The following TXNRD3 variants were observed in gnomAD, a reference collection of about 807,000 sequenced individuals.
The protein encoded by TXNRD3 is thioredoxin reductase 3, also known as TXNRD3 neighbor gene protein.
In TXNRD3, 68 loss-of-function variants were observed where a neutral mutation model predicts 78.2. The ratio of observed to expected loss-of-function variants is 0.87; its 90% CI spans 0.72 to 1.06. The LOEUF (loss-of-function observed/expected upper bound fraction) is 1.06, where lower values mean the gene tolerates loss of function less well. Ranked by LOEUF, TXNRD3 falls within the 50% of genes least tolerant of loss-of-function variation. The pLI is 0.00. For missense variants in TXNRD3, 751 were observed against 809.5 expected (o/e 0.93, Z 0.88); for synonymous variants, 296 against 300.1 (o/e 0.99, Z 0.14).
At chr3:126,608,395 T>C (rs1938109650) in intron 15 of TXNRD3, 104 bp downstream of exon 15, 28 of 1,193,972 alleles carry the variant, frequency 2.3e-5, no homozygotes, top group Non-Finnish European at 3.0e-5. Flanking sequence ...AATTTAAAAA[T>C]ATACAAATCA....
At chr3:126,649,717 TTACTC>T (rs1262908319) in intron 1 of TXNRD3, among the ~76,000 whole-genome samples, 1 of 152,212 alleles carries the variant, frequency 6.6e-6, no homozygotes, top group East Asian at 1.9e-4. Context: ...GTTTAGGACA[TTACTC>T]TAAGTGAAAT....
At chr3:126,649,421 GA>G (rs879357179) in intron 1 of TXNRD3, among the ~76,000 whole-genome samples, 13 of 152,224 alleles carry the variant, frequency 8.5e-5, no homozygotes, top group Admixed American at 2.0e-4. Flanking sequence ...TGCCACTATG[GA>G]AAACAGAATG....
intron 12 of TXNRD3, among the ~76,000 whole-genome samples, chr3:126,618,240 C>T (rs1938360201): frequency 6.6e-6 from 1 of 152,118 alleles, no homozygotes; most frequent in Non-Finnish European, 1.5e-5. Context: ...TTTTATGAAA[C>T]CACAAAAGAA....
At chr3:126,630,961 G>A (rs1022361767) in intron 8 of TXNRD3, 24 bp from the exon 9 acceptor site, 10 of 1,524,742 alleles carry the variant, frequency 6.6e-6, no homozygotes, top group Non-Finnish European at 8.8e-6. Flanking sequence ...ATTAAAAAAA[G>A]AATACCTAGG....
intron 13 of TXNRD3, among the ~76,000 whole-genome samples, chr3:126,614,400 T>C (rs1449833827): frequency 6.6e-6 from 1 of 152,174 alleles, no homozygotes. Flanking sequence ...GTGCCTGACA[T>C]CTTCCTACCT....
At chr3:126,609,840 C>T (rs1379639492) in intron 14 of TXNRD3, among the ~76,000 whole-genome samples, 1 of 152,196 alleles carries the variant, frequency 6.6e-6, no homozygotes, top group Non-Finnish European at 1.5e-5. Context: ...TCAGCAGCGG[C>T]TCTCCCATCA....
chr3:126,636,588 G>A (rs1030580795), intron 6 of TXNRD3, among the ~76,000 whole-genome samples: 10 of 152,156 alleles, frequency 6.6e-5, no homozygotes, highest in Non-Finnish European at 1.3e-4. Flanking sequence ...CACTCCTGCT[G>A]TGCTATCCTG....
intron 12 of TXNRD3, among the ~76,000 whole-genome samples, chr3:126,619,801 G>A (rs529823891): frequency 9.9e-5 from 15 of 152,266 alleles, no homozygotes; most frequent in African/African-American, 2.4e-4. Context: ...CATTGTATAC[G>A]TGTATCAAAA....
intron 13 of TXNRD3, among the ~76,000 whole-genome samples, chr3:126,611,499 C>T (rs1426312772): frequency 6.6e-6 from 1 of 152,176 alleles, no homozygotes; most frequent in Non-Finnish European, 1.5e-5. Context: ...ACCCTGATAA[C>T]AAGGCTCACA....
At chr3:126,609,034 A>T (rs1407363837) in intron 14 of TXNRD3, 1 of 248,310 alleles carries the variant, frequency 4.0e-6, no homozygotes, top group Non-Finnish European at 8.3e-6. Context: ...AGGAAGCAAG[A>T]TGCCCTGCTC....
At position 126,655,067 on chromosome 3, in the gene TXNRD3, C is replaced by T; in HGVS notation, c.-77G>A. On this transcript the variant is annotated 5_prime_UTR_variant, in exon 1 of 16. Transcript: ENST00000524230. ...AGGCGGCTGCGGCGCCGGGACGGGG[C>T]CTGAGGGGCGGCGAACGCTGCCCTC... 2 of 1,299,616 alleles carry T rather than the reference C, an allele frequency of 1.5e-6. No individual in the cohort carries two copies. The highest frequency in any genetic ancestry group is 2.0e-6 in the Non-Finnish European group (2 of 1,025,182). The allele number at this position is 1,299,616 out of a possible 1,614,324, so 80.5% of individuals were successfully genotyped here.
intron 3 of TXNRD3, 76 bp downstream of exon 3, chr3:126,646,035 A>T (rs892504612): frequency 1.7e-6 from 2 of 1,192,216 alleles, no homozygotes; most frequent in Non-Finnish European, 2.3e-6. Flanking sequence ...ACTCCTAAAA[A>T]CCATTTTCTC....
chr3:126,627,464 G>A (rs1481047129), intron 10 of TXNRD3, among the ~76,000 whole-genome samples: 1 of 152,204 alleles, frequency 6.6e-6, no homozygotes, highest in African/African-American at 2.4e-5. Context: ...ACCTAAAGGA[G>A]TGTGGATTAC....
At chr3:126,638,155 G>T (rs570803368) in intron 6 of TXNRD3, among the ~76,000 whole-genome samples, 4 of 151,994 alleles carry the variant, frequency 2.6e-5, no homozygotes, top group Admixed American at 2.6e-4. Flanking sequence ...GTGTTAGCCA[G>T]AATGGTCTTG....
intron 6 of TXNRD3, among the ~76,000 whole-genome samples, chr3:126,640,841 C>T (rs1933059460): frequency 6.7e-6 from 1 of 149,578 alleles, no homozygotes. Flanking sequence ...TGAAAGTTGT[C>T]AGAATCAAAA....
chr3:126,615,030 G>C (rs560505001), intron 13 of TXNRD3, among the ~76,000 whole-genome samples: 1 of 152,116 alleles, frequency 6.6e-6, no homozygotes, highest in Non-Finnish European at 1.5e-5. Flanking sequence ...CTTACCACCC[G>C]TAGCCATTCC....
chr3:126,620,016 C>T (rs1938412096), intron 12 of TXNRD3, among the ~76,000 whole-genome samples: 1 of 152,184 alleles, frequency 6.6e-6, no homozygotes, highest in African/African-American at 2.4e-5. Context: ...ACACTCTTGG[C>T]CGGGCACGGT....
intron 5 of TXNRD3, among the ~76,000 whole-genome samples, 188 bp from the exon 6 acceptor site, chr3:126,642,339 G>A (rs1260185327): frequency 6.6e-6 from 1 of 152,172 alleles, no homozygotes; most frequent in Non-Finnish European, 1.5e-5. Flanking sequence ...ACCCAAAGAT[G>A]AGTAAAAATA....
chr3:126,621,385 G>C (rs1938452538), intron 12 of TXNRD3, among the ~76,000 whole-genome samples: 2 of 152,168 alleles, frequency 1.3e-5, no homozygotes. Context: ...CCTCCCTGCA[G>C]CTAGAATTAA....
Sources: gnomAD v4.1 joint callset for allele counts (sites outside exome capture counted in the v4.1 genomes callset) on GRCh38, gnomAD v4.1.1 for gene constraint, MANE v1.5 for transcripts, NCBI Gene and HGNC (gene_info 2026-07-23, HGNC 2026-07-21) for gene names.